Variants in RYR1 observed in about 807,000 individuals in gnomAD.
RYR1 encodes ryanodine receptor 1.
A neutral mutation model predicts 583.5 loss-of-function variants in RYR1; 342 were observed. The observed-to-expected ratio is 0.59, with a 90% CI of 0.54 to 0.64. RYR1 has a LOEUF of 0.64. Among genes scored for constraint, RYR1 ranks in the 30% least tolerant of loss-of-function variants. The pLI is 0.00. For synonymous variants in RYR1, 2,791 were observed against 2,822.5 expected (o/e 0.99, Z 0.35); for missense variants, 6,032 against 6,917.2 (o/e 0.87, Z 4.54).
At chr19:38,524,467 CAG>C (rs963238208) in intron 70 of RYR1, among the ~76,000 whole-genome samples, 4 of 152,186 alleles carry the variant, frequency 2.6e-5, no homozygotes, top group African/African-American at 9.7e-5. Context: ...TGCGAGGACT[CAG>C]GGAGAAGCTG....
Position 38,548,337 on chromosome 19 carries a change from C to G in RYR1, c.12199C>G (p.Leu4067Val). ...ILKFFDMFLK[L>V]KDIVGSEAFQ... ...CAAGTTCTTCGACATGTTCCTGAAACTCAAGGACATTGTGGGCTCTGAAGC... is the reference window on the plus strand; with the variant it reads ...CAAGTTCTTCGACATGTTCCTGAAAGTCAAGGACATTGTGGGCTCTGAAGC... The change falls in exon 89 of 106, where the codon CTC (leucine) becomes GTC (valine). Residue 4067 changes from leucine to valine, a missense_variant. By Grantham distance (32) the Leu-to-Val change is conservative (BLOSUM62 1). This residue lies in a region of RYR1 where 753 missense variants were observed against 759.6 expected (regional missense o/e 0.99). Coordinates refer to ENST00000359596, the MANE Select transcript of RYR1 (RefSeq NM_000540.3). 6.2e-7 allele frequency: 1 copy of G among 1,614,218 alleles called. No individual in the cohort carries two copies. Among genetic ancestry groups the G allele is most frequent in the Middle Eastern group, 1.6e-4 (1 of 6,062 alleles).
chr19:38,464,693 C>A lies in RYR1; in HGVS notation c.2841C>A (p.Asp947Glu). The A allele has an allele frequency of 6.3e-7, 1 of 1,591,912 alleles. No homozygotes were observed. Among genetic ancestry groups the A allele is most frequent in the Non-Finnish European group, 8.6e-7 (1 of 1,169,342 alleles). ...HVGMADEKAE[D>E]NLKKTKLPKT... ...GCATGGCGGATGAGAAGGCGGAGGA[C>A]AACCTGAAGAAGACAAAACTCCCCA... The change falls in exon 23 of 106, where the codon GAC (aspartate) becomes GAA (glutamate). Residue 947 changes from aspartate (D) to glutamate (E), a missense_variant. Transcript: ENST00000359596.
chr19:38,455,444 C>G lies in RYR1; in HGVS notation c.1577-7C>G, dbSNP rs368115056. On this transcript the variant is annotated splice_region_variant and splice_polypyrimidine_tract_variant and intron_variant, in intron 14 of 105. Coordinates refer to ENST00000359596, the MANE Select transcript of RYR1 (RefSeq NM_000540.3). ...CCTATTGGATCTGACACCTCTTCCCCCCTCAGCTTCTCTAATCCGTGGCAA... is the reference window on the plus strand; with the variant it reads ...CCTATTGGATCTGACACCTCTTCCCGCCTCAGCTTCTCTAATCCGTGGCAA... The G allele has an allele frequency of 2.0e-5, 33 of 1,614,042 alleles. No homozygotes were observed. The highest frequency in any genetic ancestry group is 2.7e-5 in the Non-Finnish European group (32 of 1,180,024).
At chr19:38,519,153 C>T (rs562655622) in intron 66 of RYR1, 61 bp from the exon 67 acceptor site, 42 of 1,612,868 alleles carry the variant, frequency 2.6e-5, no homozygotes, top group South Asian at 1.2e-4. Flanking sequence ...GGGCTGGGAA[C>T]GGAGTTTGGG....
chr19:38,527,136 C>T, intron 72 of RYR1, 84 bp downstream of exon 72: 1 of 1,487,438 alleles, frequency 6.7e-7, no homozygotes, highest in Non-Finnish European at 9.3e-7. Context: ...TTACCAAAGA[C>T]CAGGCATTGA....
Position 38,587,472 on chromosome 19 carries a change from C to A in RYR1, c.*52C>A. 1 of 1,355,584 alleles carries A rather than the reference C, an allele frequency of 7.4e-7. No homozygotes were observed. The highest frequency in any genetic ancestry group is 1.1e-6 in the Non-Finnish European group (1 of 945,910). 84.0% of individuals were successfully genotyped at this position (1,355,584 alleles called of 1,614,324 possible). ...CACCTCAAGTGCCTTATTCTCACAG[C>A]AAGCCCCTTAGTCCCCAAGCCCCTC... is the stretch of plus-strand genomic sequence containing the variant. On this transcript the variant is annotated 3_prime_UTR_variant, in exon 106 of 106. Coordinates refer to ENST00000359596, the MANE Select transcript of RYR1 (RefSeq NM_000540.3).
intron 8 of RYR1, 64 bp from the exon 9 acceptor site, chr19:38,446,630 G>A: frequency 6.3e-7 from 1 of 1,595,898 alleles, no homozygotes; most frequent in Non-Finnish European, 8.6e-7. Context: ...GACCCTATGA[G>A]TAGGATTAGG....
intron 34 of RYR1, among the ~76,000 whole-genome samples, chr19:38,488,528 C>T (rs1969401845): frequency 6.6e-6 from 1 of 152,106 alleles, no homozygotes; most frequent in Non-Finnish European, 1.5e-5. Flanking sequence ...TTGAGACAGA[C>T]TCTCCGTCTG....
chr19:38,457,943 A>G, intron 17 of RYR1, 108 bp from the exon 18 acceptor site: 1 of 1,118,032 alleles, frequency 8.9e-7, no homozygotes, highest in Non-Finnish European at 1.3e-6. Context: ...TCTCTCTCCC[A>G]TCTCTCTCTC....
intron 47 of RYR1, among the ~76,000 whole-genome samples, chr19:38,501,691 G>T (rs1336287973): frequency 2.0e-5 from 3 of 152,060 alleles, no homozygotes. Context: ...CCGAGAGGGG[G>T]TTTAAGAGAG....
intron 13 of RYR1, among the ~76,000 whole-genome samples, chr19:38,453,852 C>T (rs890899757): frequency 5.9e-4 from 90 of 151,912 alleles, no homozygotes; most frequent in African/African-American, 1.9e-3. Flanking sequence ...AGAGAGGTGA[C>T]GAGGGCCAGG....
chr19:38,517,668 C>G lies in RYR1; in HGVS notation c.9995C>G (p.Ala3332Gly), dbSNP rs1309417886. The G allele has an allele frequency of 5.6e-6, 9 of 1,614,052 alleles. No homozygotes were observed. The highest frequency in any genetic ancestry group is 6.8e-6 in the Non-Finnish European group (8 of 1,180,036). ...IIVNNLGIDEASWMKRLAVFA... is the reference protein window; with the variant it reads ...IIVNNLGIDEGSWMKRLAVFA... ...GTCAACAACCTGGGCATTGACGAGG[C>G]CTCCTGGATGAAGCGGCTGGCTGGT... Residue 3332 changes from alanine to glycine, a missense_variant, in exon 66 of 106, where the codon GCC becomes GGC. Around this residue, in one of 11 missense-constraint regions of RYR1, gnomAD observed 1,493 missense variants for 1,715.5 expected, o/e 0.87. Coordinates refer to ENST00000359596, the MANE Select transcript of RYR1 (RefSeq NM_000540.3).
chr19:38,467,667 C>G lies in RYR1; in HGVS notation c.3236C>G (p.Ser1079Cys), dbSNP rs773926353. 1.2e-5 allele frequency: 20 copies of G among 1,614,130 alleles called. No homozygotes were observed. Among genetic ancestry groups the G allele is most frequent in the Non-Finnish European group, 1.6e-5 (19 of 1,180,062 alleles). The change falls in exon 25 of 106, where the codon TCC becomes TGC. Residue 1079 changes from serine (S) to cysteine (C), a missense_variant. Physicochemically the swap from Ser to Cys is moderately radical, Grantham distance 112. Coordinates refer to ENST00000359596, the MANE Select transcript of RYR1 (RefSeq NM_000540.3). ...GTGCGCATCTTCCGGGCAGAGAAAT[C>G]CTATACAGTGCAGAGCGGCCGCTGG... ...DRVRIFRAEK[S>C]YTVQSGRWYF... is the part of the protein sequence containing the mutation.
chr19:38,502,899 C>G lies in RYR1; in HGVS notation c.7855C>G (p.Leu2619Val), dbSNP rs762212220. 3 of 1,611,718 alleles carry G rather than the reference C, an allele frequency of 1.9e-6. No individual in the cohort carries two copies. Among genetic ancestry groups the G allele is most frequent in the East Asian group, 2.2e-5 (1 of 44,856 alleles). The change falls in exon 49 of 106, where the codon CTG becomes GTG. Residue 2619 changes from leucine to valine, a missense_variant. Around this residue, in one of 11 missense-constraint regions of RYR1, gnomAD observed 250 missense variants for 162.3 expected, o/e 1.54. Transcript: ENST00000359596. ...CCGCAGGTACATCCGCCCGTCGATGCTGCAGCACCTGTTGCGCCGCCTGGT... is the reference window on the plus strand; with the variant it reads ...CCGCAGGTACATCCGCCCGTCGATGGTGCAGCACCTGTTGCGCCGCCTGGT... ...SLCRYIRPSM[L>V]QHLLRRLVFD...
chr19:38,452,273 T>TA (rs199624190), intron 12 of RYR1, among the ~76,000 whole-genome samples: 444 of 150,968 alleles, frequency 2.9e-3, no homozygotes, highest in African/African-American at 9.6e-3. Flanking sequence ...CCTGTCTCTA[T>TA]AAAAAAAATA....
intron 67 of RYR1, among the ~76,000 whole-genome samples, chr19:38,522,025 A>G (rs1600907600): frequency 6.6e-6 from 1 of 152,114 alleles, no homozygotes; most frequent in African/African-American, 2.4e-5. Flanking sequence ...AAAATTTTAA[A>G]AAGTTTTTAG....
rs370658520 is a variant in RYR1, at chr19:38,582,157, G to C, written c.14646+1653G>C. 5.9e-5 allele frequency among the ~76,000 whole-genome samples: 9 copies of C among 152,220 alleles called. No individual in the cohort carries two copies. The South Asian group carries it at 8.3e-4, about 14-fold the overall frequency. On this transcript the variant is annotated intron_variant, in intron 101 of 105. Coordinates refer to ENST00000359596, the MANE Select transcript of RYR1 (RefSeq NM_000540.3). Reference sequence around the variant, plus strand: ...TCATGCCTGTAATCCCAGCACTTTGGGGGGCTGAGGGGGGCAGATTACCTG... The same window carrying C: ...TCATGCCTGTAATCCCAGCACTTTGCGGGGCTGAGGGGGGCAGATTACCTG...
intron 96 of RYR1, 108 bp from the exon 97 acceptor site, chr19:38,575,811 A>AT (rs2145881639): frequency 2.5e-6 from 3 of 1,208,292 alleles, no homozygotes; most frequent in South Asian, 1.2e-5. Flanking sequence ...TCAAAAAAAA[A>AT]GGAAAAAGAA....
At chr19:38,468,581 C>G (rs796299982) in intron 25 of RYR1, among the ~76,000 whole-genome samples, 5 of 152,326 alleles carry the variant, frequency 3.3e-5, no homozygotes, top group African/African-American at 1.2e-4. Flanking sequence ...AGCCACTCAT[C>G]TATTTTGTGC....
Sources: gnomAD v4.1 joint callset for allele counts (sites outside exome capture counted in the v4.1 genomes callset) on GRCh38, gnomAD v4.1.1 for gene constraint, gnomAD v4.1.1 regional missense constraint, MANE v1.5 for transcripts, NCBI Gene and HGNC (gene_info 2026-07-23, HGNC 2026-07-21) for gene names.